Variants in NME5 observed in about 807,000 individuals in gnomAD.
The protein encoded by NME5 is NME/NM23 family member 5.
NME5 carries 18 observed loss-of-function variants against 21.6 expected under a neutral mutation model. That is an observed-to-expected ratio of 0.83 (90% CI 0.58 to 1.24). The LOEUF is 1.24. Among genes scored for constraint, NME5 ranks in the 50% most tolerant of loss-of-function variants. The pLI is 0.00. For synonymous variants in NME5, 70 were observed against 80.6 expected, an observed-to-expected ratio of 0.87 and a Z score of 0.71; for missense variants, 223 against 255.4, an observed-to-expected ratio of 0.87 and a Z score of 0.86.
intron 5 of NME5, among the ~76,000 whole-genome samples, chr5:138,117,427 C>T (rs1751186618): frequency 6.6e-6 from 1 of 151,892 alleles, no homozygotes; most frequent in African/African-American, 2.4e-5. Flanking sequence ...AGACAACCTA[C>T]AAAATGGAAG....
chr5:138,122,834 T>C (rs1178213994), intron 4 of NME5, among the ~76,000 whole-genome samples: 1 of 151,806 alleles, frequency 6.6e-6, no homozygotes, highest in African/African-American at 2.4e-5. Flanking sequence ...CATGCCACTA[T>C]GCCAGGCTAA....
rs747781502 is a variant in NME5 at position 138,119,662 on chromosome 5, T to C, written c.437-726A>G. The stretch of plus-strand genomic sequence containing the variant: ...TTTTCTTTTTCTTTTCTTTTCTTTA[T>C]TTTTTTTTTTTTGAGACAGAGTTTC... On this transcript the variant is annotated intron_variant, in intron 4 of 5. Transcript: ENST00000265191. Among the ~76,000 whole-genome samples, 115 of 50,338 alleles carry C rather than the reference T, an allele frequency of 2.3e-3. 2 individuals are homozygous for C. In the South Asian group the frequency reaches 0.04, roughly 18 times the overall value. 33.0% of individuals were successfully genotyped at this position (50,338 alleles called of 152,430 possible). A position where few individuals can be genotyped will look rare whatever the true frequency, so the allele number is the denominator to read the frequency against.
Position 138,129,220 on chromosome 5 carries a change from G to A in NME5, c.335+43C>T. 3.8e-6 allele frequency: 5 copies of A among 1,327,802 alleles called. No homozygotes were observed. In the South Asian group the frequency reaches 3.8e-5, roughly 10 times the overall value. 82.3% of individuals were successfully genotyped at this position (1,327,802 alleles called of 1,614,324 possible). On this transcript the variant is annotated intron_variant, in intron 3 of 5. Transcript: ENST00000265191. ...CAGATTTTTTTTTTTCATTTTCACA[G>A]ATGGATTCCATTCCCTGCCATCCCC... is the stretch of plus-strand genomic sequence containing the variant.
At chr5:138,122,959 C>A (rs778221603) in intron 4 of NME5, 2 of 152,078 alleles carry the variant, frequency 1.3e-5, no homozygotes, top group Non-Finnish European at 2.9e-5. Context: ...GGATTACAGG[C>A]ATGAGCCACC....
At chr5:138,129,145 T>G (rs1305045871) in intron 3 of NME5, 118 bp downstream of exon 3, 1 of 817,228 alleles carries the variant, frequency 1.2e-6, no homozygotes, top group Non-Finnish European at 1.9e-6. Flanking sequence ...CCAAAAAAGT[T>G]GATTTTGGAA....
At chr5:138,119,835 T>TAGG (rs1177578909) in intron 4 of NME5, among the ~76,000 whole-genome samples, 1 of 152,034 alleles carries the variant, frequency 6.6e-6, no homozygotes, top group African/African-American at 2.4e-5. Context: ...TATTTAGACA[T>TAGG]AGGAGTTCTT....
At chr5:138,131,742 T>A (rs1379184824) in intron 2 of NME5, among the ~76,000 whole-genome samples, 1 of 151,992 alleles carries the variant, frequency 6.6e-6, no homozygotes, top group Non-Finnish European at 1.5e-5. Context: ...GTGCTTTTTT[T>A]TTTTTTTATT....
chr5:138,118,616 C>CT (rs1263854542), intron 5 of NME5, among the ~76,000 whole-genome samples: 3 of 151,902 alleles, frequency 2.0e-5, no homozygotes, highest in Non-Finnish European at 4.4e-5. Flanking sequence ...TCCTGAGTAG[C>CT]TGGGATTACA....
At position 138,139,366 on chromosome 5, in the gene NME5, C is replaced by T. The variant is rs1005996755; in HGVS notation, c.-6+5G>A. ...TTCTGAATTTGACCCTCTCTAAGTA[C>T]TCACCTCAGCGGCCGTCCTCATATG... On this transcript the variant is annotated splice_donor_5th_base_variant and intron_variant, in intron 1 of 5. Transcript: ENST00000265191. 2 of 985,868 alleles carry T rather than the reference C, an allele frequency of 2.0e-6. No individual in the cohort carries two copies. Among genetic ancestry groups the T allele is most frequent in the Non-Finnish European group, 2.4e-6 (2 of 830,316 alleles). The allele number at this position is 985,868 out of a possible 1,614,324, so 61.1% of individuals were successfully genotyped here.
intron 4 of NME5, among the ~76,000 whole-genome samples, chr5:138,121,632 A>G (rs182764505): frequency 4.5e-4 from 69 of 152,268 alleles, no homozygotes; most frequent in African/African-American, 1.6e-3. Context: ...TAGATCCTCA[A>G]TTCTGTTCCA....
At chr5:138,137,772 G>A (rs1042661858) in intron 2 of NME5, among the ~76,000 whole-genome samples, 5 of 151,430 alleles carry the variant, frequency 3.3e-5, no homozygotes, top group Admixed American at 6.6e-5. Flanking sequence ...AGGCCGAGGC[G>A]GGTGGATCAC....
At chr5:138,128,618 G>C (rs766827601) in intron 3 of NME5, 39 bp from the exon 4 acceptor site, 18 of 1,411,950 alleles carry the variant, frequency 1.3e-5, no homozygotes, top group African/African-American at 2.9e-5. Context: ...CCAATCTAAC[G>C]TCTATTCCTT....
At chr5:138,121,481 A>C (rs1370889063) in intron 4 of NME5, among the ~76,000 whole-genome samples, 3 of 152,204 alleles carry the variant, frequency 2.0e-5, no homozygotes, top group Non-Finnish European at 2.9e-5. Flanking sequence ...ACACAGCTGA[A>C]AGCACCATAG....
intron 5 of NME5, among the ~76,000 whole-genome samples, chr5:138,117,201 T>A (rs1581373980): frequency 1.3e-5 from 1 of 75,238 alleles, no homozygotes; most frequent in African/African-American, 6.0e-5. Flanking sequence ...AAAGACCCTG[T>A]CTCAAAAAAA....
chr5:138,120,809 T>C (rs1751270522), intron 4 of NME5, among the ~76,000 whole-genome samples: 1 of 152,170 alleles, frequency 6.6e-6, no homozygotes, highest in African/African-American at 2.4e-5. Flanking sequence ...CCTAGCACCA[T>C]ATACAGACTT....
At chr5:138,123,000 A>T (rs956778527) in intron 4 of NME5, 1 of 152,046 alleles carries the variant, frequency 6.6e-6, no homozygotes, top group Non-Finnish European at 1.5e-5. Context: ...TTTTTAACTT[A>T]TAAGTGTACT....
At chr5:138,121,176 T>G (rs1316798297) in intron 4 of NME5, among the ~76,000 whole-genome samples, 1 of 151,654 alleles carries the variant, frequency 6.6e-6, no homozygotes, top group Non-Finnish European at 1.5e-5. Context: ...AAAAAAGATA[T>G]ATATATATAT....
chr5:138,129,447 G>T lies in NME5; in HGVS notation c.151C>A (p.Pro51Thr). The change falls in exon 3 of 6, where the codon CCT becomes ACT. Residue 51 changes from proline (P) to threonine (T), a missense_variant. Pro to Thr is a conservative substitution (Grantham distance 38). Transcript: ENST00000265191. ...IVQRRKLRLS[P>T]EQCSNFYVEK... is the part of the protein sequence containing the mutation. ...ACATAAAAGTTACTACATTGCTCAG[G>T]GCTGAGGCGTAGTTTTCTTCTCTAT... 6.2e-7 allele frequency: 1 copy of T among 1,613,842 alleles called. No individual in the cohort carries two copies. The highest frequency in any genetic ancestry group is 8.5e-7 in the Non-Finnish European group (1 of 1,179,912).
chr5:138,122,440 CT>C (rs1394658613), intron 4 of NME5, among the ~76,000 whole-genome samples: 2 of 20,960 alleles, frequency 9.5e-5, no homozygotes, highest in Non-Finnish European at 1.6e-4. Flanking sequence ...AACTCTGTCT[CT>C]AAAAAAAAAA....
Sources: allele counts gnomAD v4.1 joint callset (sites outside exome capture counted in the v4.1 genomes callset), GRCh38; gene constraint gnomAD v4.1.1; transcripts MANE v1.5; gene names NCBI Gene and HGNC (gene_info 2026-07-23, HGNC 2026-07-21).